The following CRIM1 variants were observed in gnomAD, a reference collection of about 807,000 sequenced individuals.
CRIM1 encodes the protein cysteine rich transmembrane BMP regulator 1.
Under a neutral mutation model 116.4 loss-of-function variants are expected in CRIM1, and 32 were observed. The observed-to-expected ratio is 0.27, with a 90% CI of 0.21 to 0.37. The LOEUF is 0.37. Among genes scored for constraint, CRIM1 ranks in the 10% least tolerant of loss-of-function variants. The probability of loss-of-function intolerance (pLI) is 1.00; values close to 1 mark genes in which losing one functional copy is unlikely to be tolerated. For missense variants in CRIM1, 1,331 were observed against 1,354.8 expected (o/e 0.98, Z 0.28); for synonymous variants, 590 against 509.2 (o/e 1.16, Z -2.13).
intron 14 of CRIM1, among the ~76,000 whole-genome samples, chr2:36,541,476 C>T (rs1294098866): frequency 6.6e-6 from 1 of 152,124 alleles, no homozygotes; most frequent in Non-Finnish European, 1.5e-5. Flanking sequence ...TATCCGAAGT[C>T]ATGGAGCTGG....
intron 2 of CRIM1, among the ~76,000 whole-genome samples, chr2:36,439,869 A>G (rs775817891): frequency 5.9e-5 from 9 of 152,120 alleles, no homozygotes; most frequent in Non-Finnish European, 1.0e-4. Context: ...CTCCACCACC[A>G]TATCAACTAA....
At chr2:36,431,174 C>T (rs980768062) in intron 2 of CRIM1, among the ~76,000 whole-genome samples, 3 of 152,096 alleles carry the variant, frequency 2.0e-5, no homozygotes, top group Admixed American at 6.5e-5. Context: ...TGGGACATCG[C>T]GTTAGGTGTT....
intron 2 of CRIM1, among the ~76,000 whole-genome samples, chr2:36,436,264 C>T (rs550155863): frequency 6.6e-5 from 10 of 152,116 alleles, no homozygotes; most frequent in Admixed American, 3.3e-4. Context: ...AAGTGACAAG[C>T]TGATGACTAG....
intron 7 of CRIM1, among the ~76,000 whole-genome samples, chr2:36,485,084 C>G (rs1455011950): frequency 1.3e-5 from 2 of 152,220 alleles, no homozygotes; most frequent in South Asian, 2.1e-4. Context: ...TATCAGATAC[C>G]CAGCTGAGTT....
At chr2:36,476,091 T>C (rs982308523) in intron 5 of CRIM1, among the ~76,000 whole-genome samples, 1 of 152,078 alleles carries the variant, frequency 6.6e-6, no homozygotes, top group Non-Finnish European at 1.5e-5. Flanking sequence ...AGAATGAATG[T>C]AGGGAGAGTG....
At chr2:36,524,705 T>C (rs1474049541) in intron 13 of CRIM1, among the ~76,000 whole-genome samples, 1 of 152,236 alleles carries the variant, frequency 6.6e-6, no homozygotes, top group Non-Finnish European at 1.5e-5. Flanking sequence ...GACTAGTAAA[T>C]TTGTTTTCAT....
intron 13 of CRIM1, among the ~76,000 whole-genome samples, chr2:36,528,563 A>AAC (rs1450749443): frequency 6.6e-6 from 1 of 152,236 alleles, no homozygotes; most frequent in Non-Finnish European, 1.5e-5. Flanking sequence ...GATTCCTGGG[A>AAC]ACAGAGTACG....
rs1558434112 is a variant in CRIM1 at position 36,550,616 on chromosome 2, C to G, written c.*1915C>G. 1 of 151,486 alleles carries G rather than the reference C, an allele frequency of 6.6e-6. No homozygotes were observed. The highest frequency in any genetic ancestry group is 2.4e-5 in the African/African-American group (1 of 41,100). The allele number at this position is 151,486 out of a possible 1,614,324, so 9.4% of individuals were successfully genotyped here. On this transcript the variant is annotated 3_prime_UTR_variant, in exon 17 of 17. Transcript: ENST00000280527. ...TAACCATTTTTTTGTCTTAGAATAT[C>G]AAAAAGAAAAAGAAAAAGGTGTTCT...
At chr2:36,400,030 G>T (rs141114167) in intron 2 of CRIM1, among the ~76,000 whole-genome samples, 1 of 152,198 alleles carries the variant, frequency 6.6e-6, no homozygotes, top group African/African-American at 2.4e-5. Flanking sequence ...TAGGTGTGCA[G>T]TTTAGGTAGA....
At chr2:36,482,839 G>A (rs185780184) in intron 7 of CRIM1, among the ~76,000 whole-genome samples, 9 of 152,284 alleles carry the variant, frequency 5.9e-5, no homozygotes, top group Admixed American at 1.3e-4. Context: ...TAAATATGGC[G>A]TGTTAGGACC....
At chr2:36,381,206 G>A (rs1424113150) in intron 1 of CRIM1, among the ~76,000 whole-genome samples, 2 of 152,252 alleles carry the variant, frequency 1.3e-5, no homozygotes, top group Admixed American at 1.3e-4. Context: ...GAGTGTCCTG[G>A]ATGGACCTGG....
chr2:36,429,038 C>G (rs978688208), intron 2 of CRIM1, among the ~76,000 whole-genome samples: 7 of 152,198 alleles, frequency 4.6e-5, no homozygotes, highest in Non-Finnish European at 7.3e-5. Flanking sequence ...TTTCCCCTCT[C>G]CCACAGTTGG....
At chr2:36,509,785 T>C (rs184154676) in intron 8 of CRIM1, among the ~76,000 whole-genome samples, 198 bp from the exon 9 acceptor site, 10 of 152,330 alleles carry the variant, frequency 6.6e-5, no homozygotes, top group Non-Finnish European at 1.5e-4. Context: ...TTATTTTGTT[T>C]ATTATTACCA....
At chr2:36,504,467 G>A (rs370719166) in intron 8 of CRIM1, among the ~76,000 whole-genome samples, 21 of 152,252 alleles carry the variant, frequency 1.4e-4, no homozygotes, top group African/African-American at 4.1e-4. Context: ...AAAGTATGTG[G>A]CAAGTATATG....
chr2:36,468,196 A>C (rs1035048944), intron 5 of CRIM1, among the ~76,000 whole-genome samples: 2 of 152,142 alleles, frequency 1.3e-5, no homozygotes, highest in African/African-American at 4.8e-5. Flanking sequence ...GCACTGCCGC[A>C]CTCACTTCCT....
intron 2 of CRIM1, among the ~76,000 whole-genome samples, chr2:36,437,509 C>A (rs1206486215): frequency 1.3e-5 from 2 of 152,088 alleles, no homozygotes; most frequent in Admixed American, 1.3e-4. Flanking sequence ...TCAAATTCAA[C>A]AGGATCTTTA....
At chr2:36,545,533 A>T (rs1477717349) in intron 15 of CRIM1, among the ~76,000 whole-genome samples, 1 of 152,192 alleles carries the variant, frequency 6.6e-6, no homozygotes, top group East Asian at 1.9e-4. Context: ...CATCAATAGC[A>T]AGAAAATGTA....
At chr2:36,442,561 C>G in intron 3 of CRIM1, 54 bp from the exon 4 acceptor site, 1 of 1,609,678 alleles carries the variant, frequency 6.2e-7, no homozygotes, top group Non-Finnish European at 8.5e-7. Context: ...TTTAGGGACT[C>G]CAAAAGCAAG....
At chr2:36,434,708 A>T (rs1675162148) in intron 2 of CRIM1, among the ~76,000 whole-genome samples, 1 of 152,184 alleles carries the variant, frequency 6.6e-6, no homozygotes, top group Non-Finnish European at 1.5e-5. Flanking sequence ...TATCCATCAA[A>T]ACATTTTTCT....
Sources: gnomAD v4.1 joint callset for allele counts (sites outside exome capture counted in the v4.1 genomes callset) on GRCh38, gnomAD v4.1.1 for gene constraint, MANE v1.5 for transcripts, NCBI Gene and HGNC (gene_info 2026-07-23, HGNC 2026-07-21) for gene names.